The following CNTN4 variants were observed in gnomAD, a reference collection of about 807,000 sequenced individuals.
CNTN4 encodes contactin 4.
Under a neutral mutation model 122.5 loss-of-function variants are expected in CNTN4, and 77 were observed. That is an observed-to-expected ratio of 0.63 (90% confidence interval 0.52 to 0.76). The LOEUF is 0.76. CNTN4 is among the 30% of genes least tolerant of loss of function. CNTN4 has a pLI of 0.00. For synonymous variants in CNTN4, 512 were observed against 447.0 expected, an observed-to-expected ratio of 1.15 and a Z score of -1.83; for missense variants, 1,256 against 1,259.1, an observed-to-expected ratio of 1.00 and a Z score of 0.04.
At chr3:2,257,747 A>G (rs2040658389) in intron 2 of CNTN4, among the ~76,000 whole-genome samples, 1 of 152,192 alleles carries the variant, frequency 6.6e-6, no homozygotes, top group Non-Finnish European at 1.5e-5. Context: ...ATCTCTCATC[A>G]GTTAGAATGG....
At chr3:2,773,497 C>T (rs893032813) in intron 6 of CNTN4, among the ~76,000 whole-genome samples, 1 of 152,068 alleles carries the variant, frequency 6.6e-6, no homozygotes, top group African/African-American at 2.4e-5. Context: ...CTGATTGCAG[C>T]ATGGAGAACA....
chr3:2,599,498 G>C (rs1159861027), intron 4 of CNTN4, among the ~76,000 whole-genome samples: 1 of 151,926 alleles, frequency 6.6e-6, no homozygotes, highest in Admixed American at 6.6e-5. Flanking sequence ...ACCTTCTTTT[G>C]AACTATAAAG....
At chr3:2,470,265 A>T (rs1316267052) in intron 3 of CNTN4, among the ~76,000 whole-genome samples, 1 of 151,872 alleles carries the variant, frequency 6.6e-6, no homozygotes, top group Admixed American at 6.6e-5. Context: ...TTTAGTAGAG[A>T]CGGGGTTTCA....
intron 6 of CNTN4, among the ~76,000 whole-genome samples, chr3:2,766,566 T>C (rs1216972385): frequency 2.6e-5 from 4 of 152,088 alleles, no homozygotes; most frequent in Admixed American, 1.3e-4. Flanking sequence ...GGCATAAGAA[T>C]GATACAATGG....
rs531165093 is a variant in CNTN4 at position 2,930,117 on chromosome 3, C to T, written c.1358+4338C>T. On this transcript the variant is annotated intron_variant, in intron 13 of 24. Coordinates refer to ENST00000418658, the MANE Select transcript of CNTN4 (RefSeq NM_175607.3). ...TTGTTCTCCACCACCCCTCCCTTCC[C>T]TTTCTATACTGGGAGGCTACCCTAT... Among the ~76,000 whole-genome samples the T allele has an allele frequency of 2.2e-4, 34 of 152,290 alleles. 1 individual carries two copies. In the East Asian group the frequency reaches 4.2e-3, roughly 19 times the overall value.
intron 2 of CNTN4, among the ~76,000 whole-genome samples, chr3:2,179,118 A>G (rs536161800): frequency 6.6e-6 from 1 of 152,222 alleles, no homozygotes. Context: ...ATTAATTTGC[A>G]GTTCACCAGT....
intron 13 of CNTN4, among the ~76,000 whole-genome samples, chr3:2,936,812 A>G (rs762430837): frequency 2.0e-5 from 3 of 152,198 alleles, no homozygotes; most frequent in Admixed American, 2.0e-4. Flanking sequence ...AATCAAAAGA[A>G]AAATCTCATT....
intron 13 of CNTN4, among the ~76,000 whole-genome samples, chr3:2,938,527 T>C (rs1051635682): frequency 6.6e-6 from 1 of 152,206 alleles, no homozygotes; most frequent in African/African-American, 2.4e-5. Context: ...AATCTAGGTC[T>C]CACTCATTGC....
Position 2,353,952 on chromosome 3 carries a change from T to G in CNTN4, c.-89+14719T>G, listed in dbSNP as rs372280918. 2.0e-5 allele frequency among the ~76,000 whole-genome samples: 3 copies of G among 152,122 alleles called. No individual in the cohort carries two copies. In the East Asian group the frequency reaches 5.8e-4, roughly 29 times the overall value. On this transcript the variant is annotated intron_variant, in intron 3 of 24. Coordinates refer to ENST00000418658, the MANE Select transcript of CNTN4 (RefSeq NM_175607.3). Reference sequence around the variant, plus strand: ...AAAAAAAACATAAAGGAGTCCTCACTTGATGACAATGATGACAGCTTATAT... The same window carrying G: ...AAAAAAAACATAAAGGAGTCCTCACGTGATGACAATGATGACAGCTTATAT...
chr3:2,748,695 T>C (rs1371535765), intron 6 of CNTN4, among the ~76,000 whole-genome samples: 1 of 152,222 alleles, frequency 6.6e-6, no homozygotes, highest in Non-Finnish European at 1.5e-5. Context: ...AAAGCCTTGC[T>C]AAAATCAACA....
At chr3:2,191,909 C>G (rs202078125) in intron 2 of CNTN4, among the ~76,000 whole-genome samples, 93 of 151,678 alleles carry the variant, frequency 6.1e-4, no homozygotes, top group East Asian at 5.9e-3. Context: ...GCCCCAGTGT[C>G]TGATGTTCCC....
intron 3 of CNTN4, among the ~76,000 whole-genome samples, chr3:2,390,549 G>A (rs1193082494): frequency 6.6e-6 from 1 of 152,040 alleles, no homozygotes; most frequent in Non-Finnish European, 1.5e-5. Flanking sequence ...TATGAATACC[G>A]AAGACTTGTA....
intron 6 of CNTN4, among the ~76,000 whole-genome samples, chr3:2,804,623 C>G (rs1340270074): frequency 6.6e-6 from 1 of 152,168 alleles, no homozygotes; most frequent in Non-Finnish European, 1.5e-5. Flanking sequence ...TAACATACAA[C>G]TAAGCAAGGA....
intron 4 of CNTN4, among the ~76,000 whole-genome samples, chr3:2,593,214 CATTTTTGT>C (rs749501123): frequency 1.5e-4 from 23 of 152,152 alleles, no homozygotes; most frequent in Non-Finnish European, 3.4e-4. Context: ...AAATTGAAAT[CATTTTTGT>C]ATTTTGGTGG....
rs538446194 is a variant in CNTN4 at position 2,175,292 on chromosome 3, C to G, written c.-145+74653C>G. 2.9e-3 allele frequency among the ~76,000 whole-genome samples: 448 copies of G among 152,100 alleles called. 1 individual carries two copies. The highest frequency in any genetic ancestry group is 5.4e-3 in the Non-Finnish European group (368 of 67,992). ...TTGGATTTTTTTTTTGTAGGATTCC[C>G]TGTCTAGAATATCCTAGCTTGTTTT... On this transcript the variant is annotated intron_variant, in intron 2 of 24. Coordinates refer to ENST00000418658, the MANE Select transcript of CNTN4 (RefSeq NM_175607.3).
At chr3:2,113,755 A>G (rs1236371454) in intron 2 of CNTN4, among the ~76,000 whole-genome samples, 6 of 152,206 alleles carry the variant, frequency 3.9e-5, no homozygotes, top group East Asian at 1.9e-4. Flanking sequence ...GGAATAGACA[A>G]TGCTTTGAAA....
chr3:2,612,015 G>A (rs1020996), intron 4 of CNTN4, among the ~76,000 whole-genome samples: 2 of 151,486 alleles, frequency 1.3e-5, no homozygotes, highest in Non-Finnish European at 2.9e-5. Flanking sequence ...ATATTCTCAG[G>A]TGGTAACATT....
intron 12 of CNTN4, among the ~76,000 whole-genome samples, chr3:2,907,797 T>C (rs895818564): frequency 2.0e-5 from 3 of 152,216 alleles, no homozygotes; most frequent in Non-Finnish European, 4.4e-5. Context: ...GTATTTAATG[T>C]GTATGTAACA....
In CNTN4 at chr3:2,164,072, T is replaced by C. The variant is rs181643268; in HGVS notation, c.-145+63433T>C. Among the ~76,000 whole-genome samples, 7 of 152,154 alleles carry C rather than the reference T, an allele frequency of 4.6e-5. No individual in the cohort carries two copies. The East Asian group carries it at 1.4e-3, about 29-fold the overall frequency. On this transcript the variant is annotated intron_variant, in intron 2 of 24. Transcript: ENST00000418658. ...ATAAAAGACTACATGTTGGGTACAA[T>C]GTACACTGCTTGGGTGATGAGTGCA...
Sources: gnomAD v4.1 joint callset for allele counts (sites outside exome capture counted in the v4.1 genomes callset) on GRCh38, gnomAD v4.1.1 for gene constraint, MANE v1.5 for transcripts, NCBI Gene and HGNC (gene_info 2026-07-23, HGNC 2026-07-21) for gene names.